Variants in NEB observed in about 807,000 individuals in gnomAD.
NEB encodes the protein nebulin.
A neutral mutation model predicts 952.2 loss-of-function variants in NEB; 512 were observed. The observed-to-expected ratio is 0.54, with a 90% CI of 0.50 to 0.58. The LOEUF (loss-of-function observed/expected upper bound fraction) is 0.58. Ranked by LOEUF, NEB falls within the 20% of genes least tolerant of loss-of-function variation. The pLI, the probability that NEB is intolerant of heterozygous loss-of-function variation, is 0.00. For synonymous variants in NEB, 2,900 were observed against 3,149.8 expected (o/e 0.92, Z 2.66); for missense variants, 8,428 against 9,231.1 (o/e 0.91, Z 3.56).
rs771730193 is a variant in NEB, at chr2:151,627,589, C to T, written c.10077G>A (p.Glu3359=). Residue 3359 remains glutamate, a synonymous_variant, in exon 69 of 182, where the codon GAG becomes GAA. Transcript: ENST00000397345. The stretch of plus-strand genomic sequence containing the variant: ...CATTCTGGTCGGGCAGGCACGTCCA[C>T]TCGTGCAGGTAGTTCTTGTAGTCCA... The part of the protein sequence containing the change: ...SDVDYKNYLH[E]WTCLPDQNDV... 6.2e-7 allele frequency: 1 copy of T among 1,614,018 alleles called. No homozygotes were observed. Among genetic ancestry groups the T allele is most frequent in the Non-Finnish European group, 8.5e-7 (1 of 1,179,890 alleles).
chr2:151,684,401 G>A (rs182184592), intron 28 of NEB, among the ~76,000 whole-genome samples: 83 of 152,232 alleles, frequency 5.5e-4, no homozygotes, highest in African/African-American at 1.9e-3. Flanking sequence ...AATGATGAAT[G>A]TGATGATTAT....
rs530973409 is a variant in NEB at position 151,624,071 on chromosome 2, G to A, written c.10452+1463C>T. 9.2e-5 allele frequency among the ~76,000 whole-genome samples: 14 copies of A among 152,218 alleles called. 1 individual carries two copies. Among genetic ancestry groups the A allele is most frequent in the African/African-American group, 3.1e-4 (13 of 41,566 alleles). ...TACATTTATGCAATGAAGGAACCAC[G>A]GGCAATGGGTTGAGAAGAAATTCTA... On this transcript the variant is annotated intron_variant, in intron 71 of 181. Transcript: ENST00000397345.
intron 54 of NEB, 64 bp downstream of exon 54, chr2:151,650,112 G>C: frequency 6.9e-7 from 1 of 1,458,088 alleles, no homozygotes; most frequent in Non-Finnish European, 9.6e-7. Context: ...TATTAAGCAA[G>C]TGCTATTGAG....
Position 151,617,485 on chromosome 2 carries a change from A to AG in NEB, c.11077-18_11077-17insC, listed in dbSNP as rs1553905489. 2.9e-5 allele frequency: 40 copies of AG among 1,389,114 alleles called. No homozygotes were observed. The highest frequency in any genetic ancestry group is 4.1e-4 in the Middle Eastern group (2 of 4,922). 86.0% of individuals were successfully genotyped at this position (1,389,114 alleles called of 1,614,324 possible). ...ATATAAGCGCTACAAAAAAAAAAAAAAAAGAGAGAGAGAGAGAGAAAAATT... is the reference window on the plus strand; with the variant it reads ...ATATAAGCGCTACAAAAAAAAAAAAAGAAAGAGAGAGAGAGAGAGAAAAATT... On this transcript the variant is annotated splice_polypyrimidine_tract_variant and intron_variant, in intron 74 of 181. Transcript: ENST00000397345.
intron 146 of NEB, among the ~76,000 whole-genome samples, chr2:151,528,377 GT>G (rs1002576920): frequency 1.3e-4 from 20 of 152,148 alleles, no homozygotes; most frequent in Admixed American, 9.8e-4. Flanking sequence ...ATTTAATAAG[GT>G]TTTTTTCCCC....
At chr2:151,555,108 C>T in intron 124 of NEB, 64 bp from the exon 125 acceptor site, 1 of 1,161,166 alleles carries the variant, frequency 8.6e-7, no homozygotes, top group Non-Finnish European at 1.3e-6. Context: ...ATTATTAAAA[C>T]AGCATAAGAC....
intron 145 of NEB, among the ~76,000 whole-genome samples, chr2:151,529,836 A>G (rs943338393): frequency 1.3e-5 from 2 of 152,106 alleles, no homozygotes; most frequent in African/African-American, 2.4e-5. Context: ...AGCCTGCCAT[A>G]TAATTTTTGT....
intron 27 of NEB, among the ~76,000 whole-genome samples, chr2:151,685,498 G>C (rs13399526): frequency 1.3e-5 from 2 of 152,116 alleles, no homozygotes; most frequent in Non-Finnish European, 2.9e-5. Flanking sequence ...ACCCCACTGA[G>C]AATCTCAAAG....
intron 64 of NEB, among the ~76,000 whole-genome samples, chr2:151,634,814 TA>T (rs1360564148): frequency 6.6e-6 from 1 of 152,174 alleles, no homozygotes; most frequent in African/African-American, 2.4e-5. Context: ...ATTGTACTTG[TA>T]AAACTGACAT....
intron 153 of NEB, among the ~76,000 whole-genome samples, chr2:151,522,267 GA>G (rs1254272290): frequency 6.6e-6 from 1 of 152,102 alleles, no homozygotes; most frequent in East Asian, 1.9e-4. Context: ...ACAGTCCCGA[GA>G]ATTAGAAAAG....
rs2096143933 is a variant in NEB at position 151,562,654 on chromosome 2, G to C, written c.18848C>G (p.Pro6283Arg). ...FHQWTSLLEEPNVIRVRNAQE... is the reference protein window; with the variant it reads ...FHQWTSLLEERNVIRVRNAQE... ...GGCGTTTCGGACGCGTATAACATTG[G>C]GTTCTTCCAGAAGAGACGTCCACTG... The change falls in exon 120 of 182, where the codon CCC (proline) becomes CGC (arginine). Residue 6283 changes from proline to arginine, a missense_variant. This residue lies in a region of NEB where 3,374 missense variants were observed against 3,651.5 expected (regional missense o/e 0.92). Coordinates refer to ENST00000397345, the MANE Select transcript of NEB (RefSeq NM_001164508.2). 2.5e-6 allele frequency: 4 copies of C among 1,595,010 alleles called. No individual in the cohort carries two copies. Among genetic ancestry groups the C allele is most frequent in the Non-Finnish European group, 3.4e-6 (4 of 1,165,250 alleles).
At chr2:151,682,807 G>A in intron 28 of NEB, 38 bp from the exon 29 acceptor site, 1 of 1,525,322 alleles carries the variant, frequency 6.6e-7, no homozygotes, top group Non-Finnish European at 9.0e-7. Context: ...TCTTTGCTGT[G>A]TCATCCTCAT....
In NEB at chr2:151,608,905, C is replaced by CAAAAAA. The variant is rs1163520121; in HGVS notation, c.12331-235_12331-230dup. Reference sequence around the variant, plus strand: ...GCAACAAGAGCAAACCTCCGTCTCACAAAAAAAAAAAAAAAAAAAAAAAAA... The same window carrying CAAAAAA: ...GCAACAAGAGCAAACCTCCGTCTCACAAAAAAAAAAAAAAAAAAAAAAAAAAAAAAA... On this transcript the variant is annotated intron_variant, in intron 81 of 181. Coordinates refer to ENST00000397345, the MANE Select transcript of NEB (RefSeq NM_001164508.2). 1.5e-3 allele frequency among the ~76,000 whole-genome samples: 50 copies of CAAAAAA among 34,430 alleles called. 3 individuals carry two copies. The highest frequency in any genetic ancestry group is 5.2e-3 in the African/African-American group (41 of 7,958). The allele number at this position is 34,430 out of a possible 152,430, so 22.6% of individuals were successfully genotyped here. A position where few individuals can be genotyped will look rare whatever the true frequency, so the allele number is the denominator to read the frequency against.
intron 7 of NEB, 69 bp from the exon 8 acceptor site, chr2:151,724,433 A>G: frequency 8.4e-7 from 1 of 1,197,530 alleles, no homozygotes; most frequent in Non-Finnish European, 1.2e-6. Context: ...TAAACAACAA[A>G]GGGAGACTCA....
chr2:151,486,095 A>T (rs1051692191), intron 181 of NEB, among the ~76,000 whole-genome samples, 162 bp from the exon 182 acceptor site: 3 of 152,214 alleles, frequency 2.0e-5, no homozygotes, highest in Non-Finnish European at 4.4e-5. Flanking sequence ...AAAATAGGAA[A>T]TACTTGCAAG....
At chr2:151,497,079 T>C in intron 171 of NEB, 46 bp from the exon 172 acceptor site, 4 of 1,539,618 alleles carry the variant, frequency 2.6e-6, no homozygotes, top group Non-Finnish European at 3.5e-6. Flanking sequence ...GAGTAACATT[T>C]CATTTGTTGA....
chr2:151,619,483 G>A lies in NEB; in HGVS notation c.10840C>T (p.His3614Tyr). The A allele has an allele frequency of 1.9e-6, 3 of 1,611,626 alleles. No individual in the cohort carries two copies. The highest frequency in any genetic ancestry group is 2.5e-6 in the Non-Finnish European group (3 of 1,177,978). ...TGGAGGTCATAGGCTTTCCGTGCATGAATGATGTCATTCTGGTCGGGCAGG... is the reference window on the plus strand; with the variant it reads ...TGGAGGTCATAGGCTTTCCGTGCATAAATGATGTCATTCTGGTCGGGCAGG... ...ICLPDQNDIIHARKAYDLQSD... is the reference protein window; with the variant it reads ...ICLPDQNDIIYARKAYDLQSD... Residue 3614 changes from histidine to tyrosine, a missense_variant, in exon 73 of 182, where the codon CAT becomes TAT. Transcript: ENST00000397345.
At chr2:151,649,367 G>A (rs182030730) in intron 54 of NEB, among the ~76,000 whole-genome samples, 4 of 152,130 alleles carry the variant, frequency 2.6e-5, no homozygotes, top group Admixed American at 6.5e-5. Context: ...TAAAACTTCT[G>A]ATATATGATA....
In NEB at chr2:151,606,532, A is replaced by G. The variant is rs2097709058; in HGVS notation, c.12747+74T>C. ...CTATGCACAGATTTTTTAAAAACAC[A>G]AAATTCTTGAAAAATAGTCTCCCTG... On this transcript the variant is annotated intron_variant, in intron 84 of 181. Coordinates refer to ENST00000397345, the MANE Select transcript of NEB (RefSeq NM_001164508.2). The G allele has an allele frequency of 6.6e-6, 4 of 608,478 alleles. 2 individuals are homozygous for G. Among genetic ancestry groups the G allele is most frequent in the Non-Finnish European group, 1.1e-5 (4 of 368,194 alleles). 37.7% of individuals were successfully genotyped at this position (608,478 alleles called of 1,614,324 possible).
Sources: gnomAD v4.1 joint callset for allele counts (sites outside exome capture counted in the v4.1 genomes callset) on GRCh38, gnomAD v4.1.1 for gene constraint, gnomAD v4.1.1 regional missense constraint, MANE v1.5 for transcripts, NCBI Gene and HGNC (gene_info 2026-07-23, HGNC 2026-07-21) for gene names.